Variants in SLC9A9 observed in about 807,000 individuals in gnomAD.
The protein encoded by SLC9A9 is sodium/hydrogen exchanger 9.
In SLC9A9, 62 loss-of-function variants were observed where a neutral mutation model predicts 77.8. That is an observed-to-expected ratio of 0.80 (90% CI 0.65 to 0.98). The LOEUF (loss-of-function observed/expected upper bound fraction) is 0.98, where lower values mean the gene tolerates loss of function less well. SLC9A9 is among the 50% of genes least tolerant of loss of function. The pLI, the probability that SLC9A9 is intolerant of heterozygous loss-of-function variation, is 0.00. For synonymous variants in SLC9A9, 320 were observed against 283.5 expected (o/e 1.13, Z -1.29); for missense variants, 775 against 774.9 (o/e 1.00, Z 0.00).
At chr3:143,673,891 G>C (rs533461823) in intron 5 of SLC9A9, among the ~76,000 whole-genome samples, 2 of 152,016 alleles carry the variant, frequency 1.3e-5, no homozygotes, top group African/African-American at 4.8e-5. Context: ...TTACATTTGA[G>C]ATTTACCGTG....
At chr3:143,699,623 A>C (rs372322317) in intron 4 of SLC9A9, among the ~76,000 whole-genome samples, 95 of 152,252 alleles carry the variant, frequency 6.2e-4, no homozygotes, top group African/African-American at 2.1e-3. Context: ...TCCACAGAGG[A>C]AGTATAAAAC....
chr3:143,384,126 G>A (rs1490919974), intron 12 of SLC9A9, among the ~76,000 whole-genome samples: 1 of 151,864 alleles, frequency 6.6e-6, no homozygotes, highest in Admixed American at 6.6e-5. Context: ...CATCTGAGGA[G>A]GAACAAGAAG....
At chr3:143,649,766 G>A (rs2038767201) in intron 6 of SLC9A9, among the ~76,000 whole-genome samples, 2 of 152,136 alleles carry the variant, frequency 1.3e-5, no homozygotes, top group African/African-American at 4.8e-5. Flanking sequence ...GCTTGGCCAA[G>A]GGCTATAGTC....
At chr3:143,477,402 G>C (rs2108577638) in intron 11 of SLC9A9, among the ~76,000 whole-genome samples, 1 of 124,016 alleles carries the variant, frequency 8.1e-6, no homozygotes, top group East Asian at 2.6e-4. Flanking sequence ...TCTATTCTGA[G>C]AGTGTCTGAC....
intron 9 of SLC9A9, among the ~76,000 whole-genome samples, chr3:143,527,669 G>C (rs1040390134): frequency 5.1e-4 from 78 of 152,204 alleles, no homozygotes; most frequent in African/African-American, 1.8e-3. Flanking sequence ...CCGAAGGAAA[G>C]CCAAACTGCT....
intron 12 of SLC9A9, among the ~76,000 whole-genome samples, chr3:143,445,222 C>T (rs536966225): frequency 1.3e-5 from 2 of 152,290 alleles, no homozygotes; most frequent in African/African-American, 2.4e-5. Flanking sequence ...GTTTTTGACA[C>T]CTTAGATTTC....
chr3:143,550,545 G>C (rs955688104), intron 9 of SLC9A9, among the ~76,000 whole-genome samples: 2 of 152,096 alleles, frequency 1.3e-5, no homozygotes, highest in Non-Finnish European at 2.9e-5. Flanking sequence ...TCAACACTGG[G>C]GCTTTCTTTT....
At position 143,495,354 on chromosome 3, in the gene SLC9A9, A is replaced by AG; in HGVS notation, c.1183dup (p.Leu395ProfsTer103). On this transcript the variant is annotated frameshift_variant, in exon 10 of 16. Transcript: ENST00000316549. LOFTEE classifies it high-confidence loss of function. ...GGATACAAAGGCTCCAAGTATAAAA[A>AG]GAGCATTAAAGATATGATTCTGGAA... is the stretch of plus-strand genomic sequence containing the variant. The AG allele has an allele frequency of 6.2e-7, 1 of 1,613,640 alleles. No homozygotes were observed. Among genetic ancestry groups the AG allele is most frequent in the Non-Finnish European group, 8.5e-7 (1 of 1,179,514 alleles).
At chr3:143,628,072 A>G (rs1241920689) in intron 6 of SLC9A9, among the ~76,000 whole-genome samples, 1 of 152,228 alleles carries the variant, frequency 6.6e-6, no homozygotes, top group African/African-American at 2.4e-5. Flanking sequence ...ACCATTAGGA[A>G]AATACGGCTT....
chr3:143,419,955 G>C (rs1329465119), intron 12 of SLC9A9, among the ~76,000 whole-genome samples: 1 of 152,206 alleles, frequency 6.6e-6, no homozygotes, highest in Non-Finnish European at 1.5e-5. Context: ...CCCGAACACA[G>C]GGAGTATGGA....
intron 12 of SLC9A9, among the ~76,000 whole-genome samples, chr3:143,454,957 T>A (rs944848429): frequency 1.3e-5 from 2 of 152,192 alleles, no homozygotes; most frequent in East Asian, 1.9e-4. Context: ...AACTCTCTTC[T>A]TATAAAAAGG....
intron 12 of SLC9A9, among the ~76,000 whole-genome samples, chr3:143,448,336 G>A (rs897069486): frequency 1.3e-5 from 2 of 152,072 alleles, no homozygotes; most frequent in Non-Finnish European, 2.9e-5. Flanking sequence ...GTCCATTGGC[G>A]AATACTGAGT....
At chr3:143,553,254 C>T (rs1442336172) in intron 8 of SLC9A9, among the ~76,000 whole-genome samples, 1 of 151,996 alleles carries the variant, frequency 6.6e-6, no homozygotes, top group Non-Finnish European at 1.5e-5. Context: ...ATGAGACCGA[C>T]ATGCTATCTG....
chr3:143,583,646 C>T (rs1480815192), intron 6 of SLC9A9, among the ~76,000 whole-genome samples: 2 of 152,142 alleles, frequency 1.3e-5, no homozygotes, highest in Non-Finnish European at 1.5e-5. Context: ...ATAATAGTAC[C>T]AACCACACTG....
At chr3:143,606,428 C>CTATATATATATA (rs1473173290) in intron 6 of SLC9A9, among the ~76,000 whole-genome samples, 43 of 69,872 alleles carry the variant, frequency 6.2e-4, no homozygotes, top group Non-Finnish European at 1.1e-3. Context: ...CTCTCTCTCT[C>CTATATATATATA]TCTCTCTCTA....
intron 14 of SLC9A9, among the ~76,000 whole-genome samples, chr3:143,290,062 G>A (rs894981921): frequency 6.6e-6 from 1 of 152,174 alleles, no homozygotes; most frequent in African/African-American, 2.4e-5. Flanking sequence ...CAGAACTCAA[G>A]GGTCAGATGC....
At chr3:143,611,535 A>C (rs1382379917) in intron 6 of SLC9A9, among the ~76,000 whole-genome samples, 1 of 152,228 alleles carries the variant, frequency 6.6e-6, no homozygotes, top group Non-Finnish European at 1.5e-5. Context: ...ACAAAAGATA[A>C]ATCACAAATG....
chr3:143,265,650 C>G lies in SLC9A9; in HGVS notation c.*1052G>C. 2.6e-6 allele frequency: 1 copy of G among 390,070 alleles called. No homozygotes were observed. The highest frequency in any genetic ancestry group is 4.5e-6 in the Non-Finnish European group (1 of 221,368). The allele number at this position is 390,070 out of a possible 1,614,324, so 24.2% of individuals were successfully genotyped here. On this transcript the variant is annotated 3_prime_UTR_variant, in exon 16 of 16. Coordinates refer to ENST00000316549, the MANE Select transcript of SLC9A9 (RefSeq NM_173653.4). ...GTCATGCAGCTGAATTAAAAGCTAT[C>G]ATGTTGGTCTCTGGAATGCAGGCCA...
At chr3:143,475,462 A>G (rs771855772) in intron 11 of SLC9A9, among the ~76,000 whole-genome samples, 15 of 151,978 alleles carry the variant, frequency 9.9e-5, no homozygotes, top group Non-Finnish European at 1.8e-4. Flanking sequence ...TGAATCCATA[A>G]GTGAATGGAT....
Sources: allele counts gnomAD v4.1 joint callset (sites outside exome capture counted in the v4.1 genomes callset), GRCh38; gene constraint gnomAD v4.1.1; transcripts MANE v1.5; gene names NCBI Gene and HGNC (gene_info 2026-07-23, HGNC 2026-07-21).